Variants in DNAH11 observed in about 807,000 individuals in gnomAD.
The protein encoded by DNAH11 is axonemal beta dynein heavy chain 11.
A neutral mutation model predicts 526.0 loss-of-function variants in DNAH11; 442 were observed. The observed-to-expected ratio is 0.84, with a 90% CI of 0.78 to 0.91. The LOEUF is 0.91. Ranked by LOEUF, DNAH11 falls within the 40% of genes least tolerant of loss-of-function variation. The pLI, the probability that DNAH11 is intolerant of heterozygous loss-of-function variation, is 0.00. For missense variants in DNAH11, 6,989 were observed against 5,448.7 expected (o/e 1.28, Z -8.90); for synonymous variants, 2,461 against 1,935.9 (o/e 1.27, Z -7.12).
At chr7:21,817,265 T>C (rs1195653631) in intron 64 of DNAH11, among the ~76,000 whole-genome samples, 1 of 152,202 alleles carries the variant, frequency 6.6e-6, no homozygotes, top group Non-Finnish European at 1.5e-5. Context: ...CTGTCTTGTA[T>C]GCAGTTGCTA....
intron 9 of DNAH11, among the ~76,000 whole-genome samples, chr7:21,586,717 C>T (rs143017381): frequency 6.6e-6 from 1 of 152,140 alleles, no homozygotes; most frequent in Non-Finnish European, 1.5e-5. Flanking sequence ...AAGGCGTGAC[C>T]TTGGATACAG....
At chr7:21,807,785 G>A (rs949590950) in intron 62 of DNAH11, 98 bp from the exon 63 acceptor site, 2 of 1,160,442 alleles carry the variant, frequency 1.7e-6, no homozygotes, top group Non-Finnish European at 2.4e-6. Flanking sequence ...TGACTGTGTG[G>A]AAGGACGTAA....
chr7:21,850,278 C>T (rs1198060720), intron 66 of DNAH11, among the ~76,000 whole-genome samples: 2 of 150,880 alleles, frequency 1.3e-5, no homozygotes, highest in African/African-American at 4.9e-5. Flanking sequence ...ATGGCGTGAA[C>T]CCGGGAGGCG....
chr7:21,683,361 G>T (rs2128472891), intron 31 of DNAH11, among the ~76,000 whole-genome samples: 2 of 152,328 alleles, frequency 1.3e-5, no homozygotes, highest in South Asian at 4.1e-4. Flanking sequence ...ACTAAAAGCA[G>T]ATTGGTTTTA....
chr7:21,618,003 G>C (rs1304649701), intron 23 of DNAH11, among the ~76,000 whole-genome samples: 1 of 152,180 alleles, frequency 6.6e-6, no homozygotes, highest in African/African-American at 2.4e-5. Flanking sequence ...CAGAGCGGAG[G>C]CTGGCTTCCA....
At chr7:21,709,510 C>G (rs979456835) in intron 40 of DNAH11, among the ~76,000 whole-genome samples, 12 of 152,064 alleles carry the variant, frequency 7.9e-5, no homozygotes, top group African/African-American at 1.9e-4. Flanking sequence ...CATTTGTATC[C>G]CAAACCTCAA....
At chr7:21,640,508 C>CTTTTTTTTTTTTTTTTTTTTTTT (rs144316063) in intron 28 of DNAH11, among the ~76,000 whole-genome samples, 1 of 149,214 alleles carries the variant, frequency 6.7e-6, no homozygotes, top group African/African-American at 2.6e-5. Flanking sequence ...GGTAAGCATT[C>CTTTTTTTTTTTTTTTTTTTTTTT]TTTTTCTTTT....
chr7:21,624,750 A>C (rs1308069067), intron 25 of DNAH11, among the ~76,000 whole-genome samples: 1 of 152,166 alleles, frequency 6.6e-6, no homozygotes, highest in East Asian at 1.9e-4. Context: ...GGAAGTTTTA[A>C]TCATGAAATG....
intron 37 of DNAH11, chr7:21,703,784 CTG>C (rs771627251): frequency 2.0e-5 from 3 of 152,146 alleles, no homozygotes; most frequent in South Asian, 4.1e-4. Flanking sequence ...AAACTTTACT[CTG>C]TGTGATTTTT....
At chr7:21,559,365 C>G (rs1228444808) in intron 3 of DNAH11, among the ~76,000 whole-genome samples, 1 of 152,094 alleles carries the variant, frequency 6.6e-6, no homozygotes, top group East Asian at 1.9e-4. Context: ...TAACATTATT[C>G]CTTTAGTAAA....
chr7:21,883,789 C>G (rs1240484850), intron 75 of DNAH11, among the ~76,000 whole-genome samples: 2 of 152,124 alleles, frequency 1.3e-5, no homozygotes, highest in Non-Finnish European at 2.9e-5. Flanking sequence ...CCTGTAAATC[C>G]CAGTACTTTG....
chr7:21,764,532 G>A (rs772130446), intron 54 of DNAH11, among the ~76,000 whole-genome samples: 98 of 152,184 alleles, frequency 6.4e-4, no homozygotes, highest in African/African-American at 2.2e-3. Context: ...GTGTCCTCAC[G>A]TACGCAGGGA....
intron 56 of DNAH11, among the ~76,000 whole-genome samples, chr7:21,777,700 A>G (rs1408884541): frequency 6.6e-6 from 1 of 152,208 alleles, no homozygotes; most frequent in African/African-American, 2.4e-5. Context: ...CTAGTTTCAT[A>G]TGGCTAAAAA....
At chr7:21,730,158 CAGAG>C (rs1785315194) in intron 45 of DNAH11, among the ~76,000 whole-genome samples, 1 of 152,150 alleles carries the variant, frequency 6.6e-6, no homozygotes, top group South Asian at 2.1e-4. Flanking sequence ...ATTAGTGAGT[CAGAG>C]AGATATCTGC....
At chr7:21,885,169 T>TGTGAA (rs367811733) in intron 76 of DNAH11, among the ~76,000 whole-genome samples, 1 of 89,384 alleles carries the variant, frequency 1.1e-5, no homozygotes, top group Non-Finnish European at 2.3e-5. Context: ...CCAAATGAAC[T>TGTGAA]ATAAAAAAAA....
intron 65 of DNAH11, among the ~76,000 whole-genome samples, chr7:21,837,371 T>G (rs963454598): frequency 1.3e-5 from 2 of 152,202 alleles, no homozygotes; most frequent in African/African-American, 4.8e-5. Flanking sequence ...ATGGTATATA[T>G]ACACAATGGA....
chr7:21,812,120 C>T (rs987196953), intron 63 of DNAH11, among the ~76,000 whole-genome samples: 1 of 152,024 alleles, frequency 6.6e-6, no homozygotes, highest in African/African-American at 2.4e-5. Flanking sequence ...GATGTCAAGG[C>T]CAGAGAGTGG....
chr7:21,737,322 G>T (rs1332401152), intron 46 of DNAH11, among the ~76,000 whole-genome samples: 4 of 152,224 alleles, frequency 2.6e-5, no homozygotes, highest in African/African-American at 9.6e-5. Flanking sequence ...GTGACCACCT[G>T]TCCAGTTCAC....
chr7:21,564,132 G>GAAAAAAA, intron 5 of DNAH11, 54 bp from the exon 6 acceptor site: 1 of 1,148,572 alleles, frequency 8.7e-7, no homozygotes, highest in Non-Finnish European at 1.2e-6. Flanking sequence ...AGTGAATTTA[G>GAAAAAAA]AAAAAAAAAA....
Sources: gnomAD v4.1 joint callset for allele counts (sites outside exome capture counted in the v4.1 genomes callset) on GRCh38, gnomAD v4.1.1 for gene constraint, MANE v1.5 for transcripts, NCBI Gene and HGNC (gene_info 2026-07-23, HGNC 2026-07-21) for gene names.